The following CEP128 variants were observed in gnomAD, a reference collection of about 807,000 sequenced individuals.
CEP128 encodes centrosomal protein 128.
CEP128 carries 132 observed loss-of-function variants against 156.7 expected under a neutral mutation model. The observed-to-expected ratio is 0.84, with a 90% CI of 0.73 to 0.97. The LOEUF (loss-of-function observed/expected upper bound fraction) is 0.97, where lower values mean the gene tolerates loss of function less well. Ranked by LOEUF, CEP128 falls within the 50% of genes least tolerant of loss-of-function variation. The pLI is 0.00. For synonymous variants in CEP128, 469 were observed against 448.9 expected (o/e 1.04, Z -0.57); for missense variants, 1,252 against 1,281.9 (o/e 0.98, Z 0.36).
chr14:80,670,633 T>G (rs1052564742), intron 19 of CEP128, among the ~76,000 whole-genome samples: 1 of 151,738 alleles, frequency 6.6e-6, no homozygotes, highest in Non-Finnish European at 1.5e-5. Context: ...TTAGAAATAG[T>G]GTGAGGGGGG....
chr14:80,888,042 A>C (rs1010269007), intron 8 of CEP128, among the ~76,000 whole-genome samples: 1 of 152,216 alleles, frequency 6.6e-6, no homozygotes, highest in African/African-American at 2.4e-5. Flanking sequence ...AAATGGATAA[A>C]TTCCTGGACA....
At chr14:80,868,652 T>A (rs1887886849) in intron 8 of CEP128, among the ~76,000 whole-genome samples, 2 of 152,044 alleles carry the variant, frequency 1.3e-5, no homozygotes, top group South Asian at 4.1e-4. Flanking sequence ...TACCTATAAA[T>A]AAATGTTTTA....
At chr14:80,537,865 A>G (rs1889557523) in intron 21 of CEP128, among the ~76,000 whole-genome samples, 1 of 152,160 alleles carries the variant, frequency 6.6e-6, no homozygotes. Flanking sequence ...GCTGCATTGG[A>G]AATCAGCATC....
chr14:80,589,267 G>T (rs1443725458), intron 19 of CEP128, among the ~76,000 whole-genome samples: 1 of 152,060 alleles, frequency 6.6e-6, no homozygotes, highest in Non-Finnish European at 1.5e-5. Context: ...ACCTCCAGAG[G>T]TATGTTATTT....
intron 21 of CEP128, among the ~76,000 whole-genome samples, chr14:80,554,945 A>T (rs1331258306): frequency 6.6e-6 from 1 of 152,080 alleles, no homozygotes; most frequent in Non-Finnish European, 1.5e-5. Context: ...CCAGAAAAAA[A>T]TCCTTCCCAA....
intron 9 of CEP128, among the ~76,000 whole-genome samples, chr14:80,854,125 G>A (rs1239125724): frequency 2.0e-5 from 3 of 152,062 alleles, no homozygotes; most frequent in Admixed American, 2.0e-4. Context: ...AGAGAAAAGT[G>A]AATAAACATA....
intron 13 of CEP128, among the ~76,000 whole-genome samples, chr14:80,808,191 C>A (rs1287719694): frequency 6.6e-6 from 1 of 152,172 alleles, no homozygotes; most frequent in Non-Finnish European, 1.5e-5. Context: ...AAGTGAGACA[C>A]CTTTTGCCCT....
At chr14:80,832,787 G>C (rs2140051071) in intron 12 of CEP128, among the ~76,000 whole-genome samples, 1 of 152,296 alleles carries the variant, frequency 6.6e-6, no homozygotes, top group African/African-American at 2.4e-5. Context: ...GTTTCAAGTA[G>C]CTAATACATC....
chr14:80,621,968 G>C (rs899710503), intron 19 of CEP128, among the ~76,000 whole-genome samples: 1 of 152,142 alleles, frequency 6.6e-6, no homozygotes, highest in Non-Finnish European at 1.5e-5. Flanking sequence ...TTATGAGCAG[G>C]TATATGCAGG....
intron 2 of CEP128, among the ~76,000 whole-genome samples, chr14:80,950,449 C>G (rs577526599): frequency 1.3e-5 from 2 of 152,122 alleles, no homozygotes; most frequent in South Asian, 4.1e-4. Context: ...ATGAAAAAAG[C>G]CCCAAGTTGA....
At chr14:80,673,603 G>A (rs1268178155) in intron 19 of CEP128, among the ~76,000 whole-genome samples, 2 of 110,612 alleles carry the variant, frequency 1.8e-5, no homozygotes, top group Admixed American at 1.4e-4. Flanking sequence ...CCGAGATCCC[G>A]CCACTGCACT....
intron 23 of CEP128, among the ~76,000 whole-genome samples, chr14:80,526,116 T>C (rs956190410): frequency 6.6e-6 from 1 of 152,150 alleles, no homozygotes; most frequent in Non-Finnish European, 1.5e-5. Context: ...GGAGACATTT[T>C]TCGATGTTAC....
intron 13 of CEP128, among the ~76,000 whole-genome samples, chr14:80,809,755 T>C (rs895362620): frequency 5.9e-5 from 9 of 151,968 alleles, no homozygotes; most frequent in African/African-American, 2.2e-4. Context: ...CCAATAATAT[T>C]ATTTTTCATA....
At chr14:80,932,795 T>C (rs1885542508) in intron 2 of CEP128, among the ~76,000 whole-genome samples, 1 of 152,110 alleles carries the variant, frequency 6.6e-6, no homozygotes, top group South Asian at 2.1e-4. Flanking sequence ...CATCCTTCTC[T>C]CTGCCTCCCA....
At chr14:80,872,929 T>G (rs1888099764) in intron 8 of CEP128, among the ~76,000 whole-genome samples, 1 of 152,208 alleles carries the variant, frequency 6.6e-6, no homozygotes, top group Admixed American at 6.5e-5. Flanking sequence ...TTTGGACATT[T>G]TTTTCTTAAT....
chr14:80,656,476 G>C (rs928554901), intron 19 of CEP128, among the ~76,000 whole-genome samples: 2 of 150,720 alleles, frequency 1.3e-5, no homozygotes, highest in African/African-American at 4.9e-5. Context: ...TAGAATATGA[G>C]AGCCGTGAGT....
At chr14:80,556,244 T>C (rs981381324) in intron 21 of CEP128, among the ~76,000 whole-genome samples, 17 of 152,172 alleles carry the variant, frequency 1.1e-4, no homozygotes, top group African/African-American at 3.6e-4. Context: ...CCAAATAGCA[T>C]ATAGCACTGA....
At position 80,841,523 on chromosome 14, in the gene CEP128, T is replaced by C. The variant is rs143500538; in HGVS notation, c.763-755A>G. Among the ~76,000 whole-genome samples, 335 of 152,166 alleles carry C rather than the reference T, an allele frequency of 2.2e-3. 1 individual carries two copies. The highest frequency in any genetic ancestry group is 7.7e-3 in the African/African-American group (320 of 41,544). ...AATAATTTTGATTTGAGAATAACAA[T>C]ATTATCATGCTTTTATAGTGTTTAG... On this transcript the variant is annotated intron_variant, in intron 9 of 24. Transcript: ENST00000555265.
At chr14:80,944,822 C>CAAAAAAAAAAAAAAAAA (rs55662141), upstream of CEP128, among the ~76,000 whole-genome samples, 9 of 34,662 alleles carry the variant, frequency 2.6e-4, no homozygotes, top group Non-Finnish European at 4.6e-4. Context: ...GAGTCTGTCT[C>CAAAAAAAAAAAAAAAAA]AAAAAAAAAA....
Sources: allele counts gnomAD v4.1 joint callset (sites outside exome capture counted in the v4.1 genomes callset), GRCh38; gene constraint gnomAD v4.1.1; transcripts MANE v1.5; gene names NCBI Gene and HGNC (gene_info 2026-07-23, HGNC 2026-07-21).